Variants in ANKRD11 observed in about 807,000 individuals in gnomAD.
ANKRD11 encodes ankyrin repeat domain 11.
ANKRD11 carries 17 observed loss-of-function variants against 195.7 expected under a neutral mutation model. The observed-to-expected ratio is 0.09, with a 90% CI of 0.06 to 0.13. The LOEUF is 0.13. ANKRD11 is among the 10% of genes least tolerant of loss of function. ANKRD11 has a pLI of 1.00. For missense variants in ANKRD11, 3,735 were observed against 3,566.1 expected, an observed-to-expected ratio of 1.05 and a Z score of -1.21; for synonymous variants, 1,953 against 1,528.1, an observed-to-expected ratio of 1.28 and a Z score of -6.49.
intron 1 of ANKRD11, chr16:89,458,955 C>G (rs1261370237): frequency 6.6e-6 from 1 of 152,380 alleles, no homozygotes; most frequent in Non-Finnish European, 1.5e-5. Context: ...GTCACATACA[C>G]CTGTCTTCAG....
rs569255111 is a variant in ANKRD11, at chr16:89,295,926, G to C, written c.227-4743C>G. 2.3e-3 allele frequency among the ~76,000 whole-genome samples: 294 copies of C among 130,548 alleles called. 2 individuals carry two copies. The highest frequency in any genetic ancestry group is 8.0e-3 in the African/African-American group (276 of 34,480). The allele number at this position is 130,548 out of a possible 152,430, so 85.6% of individuals were successfully genotyped here. The stretch of plus-strand genomic sequence containing the variant: ...GGGGTGCTCTGTGCAGGTGGGATTG[G>C]GGGGGGCTGTGAACCGCCTGGGGGT... On this transcript the variant is annotated intron_variant, in intron 4 of 12. Transcript: ENST00000301030.
intron 11 of ANKRD11, 54 bp from the exon 12 acceptor site, chr16:89,270,963 A>G (rs1016763643): frequency 4.2e-5 from 65 of 1,565,236 alleles, no homozygotes; most frequent in Middle Eastern, 1.7e-4. Flanking sequence ...CCGCTACGGG[A>G]AGGCATGCCA....
intron 2 of ANKRD11, among the ~76,000 whole-genome samples, chr16:89,383,004 C>T (rs1187933753): frequency 2.0e-5 from 3 of 152,232 alleles, no homozygotes; most frequent in Admixed American, 1.3e-4. Context: ...CCGTGCCAGG[C>T]TTGTAAAGCG....
chr16:89,481,388 C>A (rs150132017), intron 1 of ANKRD11, among the ~76,000 whole-genome samples: 1 of 152,032 alleles, frequency 6.6e-6, no homozygotes, highest in Admixed American at 6.6e-5. Context: ...AGAAACATAG[C>A]GAAACCCCAT....
intron 2 of ANKRD11, among the ~76,000 whole-genome samples, chr16:89,379,269 C>T (rs773659517): frequency 1.3e-5 from 2 of 152,206 alleles, no homozygotes. Flanking sequence ...ATCTTGAAAA[C>T]TTAGGGCTTT....
At chr16:89,270,661 C>T in intron 12 of ANKRD11, 156 bp downstream of exon 12, 1 of 764,182 alleles carries the variant, frequency 1.3e-6, no homozygotes, top group Non-Finnish European at 2.2e-6. Flanking sequence ...TCCCCGAAAG[C>T]ATCGGCCAGA....
At chr16:89,364,945 T>C (rs978555951) in intron 2 of ANKRD11, among the ~76,000 whole-genome samples, 1 of 152,198 alleles carries the variant, frequency 6.6e-6, no homozygotes, top group Non-Finnish European at 1.5e-5. Context: ...CAAAGCCAAA[T>C]GAACAACACT....
intron 4 of ANKRD11, 58 bp downstream of exon 4, chr16:89,305,148 T>C: frequency 1.3e-6 from 2 of 1,595,292 alleles, no homozygotes; most frequent in Non-Finnish European, 1.7e-6. Flanking sequence ...ACGCCCTGCC[T>C]GGGCTGCTCC....
intron 3 of ANKRD11, among the ~76,000 whole-genome samples, chr16:89,306,758 T>C (rs78868473): frequency 0.043 from 205 of 4,720 alleles, 87 homozygotes; most frequent in South Asian, 0.13. Flanking sequence ...CACGCGCCAC[T>C]TACCTCCCAC....
chr16:89,366,296 G>A (rs778564821), intron 2 of ANKRD11, among the ~76,000 whole-genome samples: 16 of 152,110 alleles, frequency 1.1e-4, no homozygotes, highest in African/African-American at 2.2e-4. Context: ...ACATTCGCCC[G>A]CATGTGTCTT....
At chr16:89,449,328 G>A (rs957462707) in intron 1 of ANKRD11, among the ~76,000 whole-genome samples, 6 of 152,048 alleles carry the variant, frequency 3.9e-5, no homozygotes, top group Non-Finnish European at 5.9e-5. Context: ...TCCCACCACT[G>A]CATTCCATCC....
chr16:89,280,354 T>C lies in ANKRD11; in HGVS notation c.6188A>G (p.Glu2063Gly), dbSNP rs373782987. Residue 2063 changes from glutamate (E) to glycine (G), a missense_variant, in exon 9 of 13, where the codon GAG (glutamate) becomes GGG (glycine). Transcript: ENST00000301030. Reference protein sequence around the residue: ...AAPYAPPSGLESFFSNCKSLP... With the variant: ...AAPYAPPSGLGSFFSNCKSLP... ...TGACTTGCAGTTGCTGAAGAAGGAC[T>C]CCAGCCCGGAGGGAGGGGCGTAGGG... The C allele has an allele frequency of 1.3e-5, 21 of 1,572,156 alleles. No individual in the cohort carries two copies. The African/African-American group carries it at 2.3e-4, about 17-fold the overall frequency.
chr16:89,430,434 T>C (rs1173682731), intron 1 of ANKRD11, among the ~76,000 whole-genome samples: 2 of 90,244 alleles, frequency 2.2e-5, no homozygotes, highest in South Asian at 3.9e-4. Context: ...ACAGCAGGGA[T>C]TCTCAACTCT....
chr16:89,465,428 G>A lies in ANKRD11; in HGVS notation c.-145+24817C>T, dbSNP rs74033801. On this transcript the variant is annotated intron_variant, in intron 1 of 12. Coordinates refer to ENST00000301030, the MANE Select transcript of ANKRD11 (RefSeq NM_013275.6). ...GACTTCTCTCATCTTTACAGCAGAG[G>A]CCACGACAGAGAACAGGGGCAGCAC... 3.3e-3 allele frequency among the ~76,000 whole-genome samples: 507 copies of A among 152,222 alleles called. 3 individuals are homozygous for A. Among genetic ancestry groups the A allele is most frequent in the African/African-American group, 0.011 (455 of 41,548 alleles).
intron 2 of ANKRD11, among the ~76,000 whole-genome samples, chr16:89,402,471 A>C (rs1332011577): frequency 1.3e-5 from 2 of 152,080 alleles, no homozygotes; most frequent in Non-Finnish European, 2.9e-5. Flanking sequence ...GTTGACTCCA[A>C]GAGTTCAAGA....
chr16:89,269,374 T>C (rs536957756), intron 12 of ANKRD11, among the ~76,000 whole-genome samples: 1 of 152,176 alleles, frequency 6.6e-6, no homozygotes, highest in Admixed American at 6.5e-5. Context: ...ATCATGTCTG[T>C]CTCTAAATTT....
Position 89,283,620 on chromosome 16 carries a change from C to T in ANKRD11, c.2922G>A (p.Glu974=), listed in dbSNP as rs1381339198. ...TCTCGCAGCCACACTCCTTCAGCTC[C>T]TCCCGGTGCGCCTCCTCGGGCTTGG... ...GRAKPEEAHR[E]ELKECGCESG... Residue 974 remains glutamate (E), a synonymous_variant, in exon 9 of 13, where the codon GAG becomes GAA. Transcript: ENST00000301030. The surrounding 1 kb of genome is among the most constrained non-coding windows in gnomAD (Gnocchi z 4.3). 6.2e-7 allele frequency: 1 copy of T among 1,610,290 alleles called. No homozygotes were observed.
At chr16:89,292,430 G>A (rs1032487080) in intron 4 of ANKRD11, among the ~76,000 whole-genome samples, 2 of 152,178 alleles carry the variant, frequency 1.3e-5, no homozygotes, top group Non-Finnish European at 1.5e-5. Context: ...CATGGTCCCC[G>A]TGAATGTGCC....
chr16:89,462,707 G>A (rs1479056617), intron 1 of ANKRD11, among the ~76,000 whole-genome samples: 20 of 148,800 alleles, frequency 1.3e-4, no homozygotes, highest in Admixed American at 8.6e-4. Context: ...TGTGGGGAGC[G>A]CCTCTGCCCC....
Sources: gnomAD v4.1 joint callset for allele counts (sites outside exome capture counted in the v4.1 genomes callset) on GRCh38, gnomAD v4.1.1 for gene constraint, Gnocchi (gnomAD v3.1) non-coding constraint, MANE v1.5 for transcripts, NCBI Gene and HGNC (gene_info 2026-07-23, HGNC 2026-07-21) for gene names.